Variants in RBFOX1 observed in about 807,000 individuals in gnomAD.
RBFOX1 encodes RNA binding fox-1 homolog 1.
RBFOX1 carries 8 observed loss-of-function variants against 57.7 expected under a neutral mutation model. That is an observed-to-expected ratio of 0.14 (90% CI 0.08 to 0.25). RBFOX1 has a LOEUF of 0.25. RBFOX1 is among the 10% of genes least tolerant of loss of function. The probability of loss-of-function intolerance (pLI) is 1.00; values close to 1 mark genes in which losing one functional copy is unlikely to be tolerated. For missense variants in RBFOX1, 611 were observed against 548.5 expected, an observed-to-expected ratio of 1.11 and a Z score of -1.14; for synonymous variants, 326 against 222.4, an observed-to-expected ratio of 1.47 and a Z score of -4.15.
intron 2 of RBFOX1, among the ~76,000 whole-genome samples, chr16:6,478,683 C>G (rs2095323490): frequency 6.6e-6 from 1 of 151,636 alleles, no homozygotes; most frequent in African/African-American, 2.4e-5. Flanking sequence ...ATTTATTGGT[C>G]TAATTTCAAG....
intron 4 of RBFOX1, among the ~76,000 whole-genome samples, chr16:7,080,613 C>G (rs28408188): frequency 0.016 from 2,359 of 152,158 alleles, 67 homozygotes; most frequent in African/African-American, 0.054. Flanking sequence ...TTTTCATGGT[C>G]CATGTTCTCT....
chr16:6,022,936 A>C (rs552228465), intron 1 of RBFOX1, among the ~76,000 whole-genome samples: 8 of 152,240 alleles, frequency 5.3e-5, no homozygotes, highest in Non-Finnish European at 1.0e-4. Context: ...TAAGGATAGT[A>C]TTGTATAGGA....
intron 4 of RBFOX1, among the ~76,000 whole-genome samples, chr16:5,911,762 C>G (rs556957031): frequency 6.6e-6 from 1 of 152,124 alleles, no homozygotes; most frequent in Non-Finnish European, 1.5e-5. Flanking sequence ...CAGGTGGTGC[C>G]TTTGCACCAT....
intron 1 of RBFOX1, among the ~76,000 whole-genome samples, chr16:5,369,329 A>T (rs570529844): frequency 6.6e-6 from 1 of 152,188 alleles, no homozygotes; most frequent in South Asian, 2.1e-4. Flanking sequence ...TAAAATAAGC[A>T]ACATTTCTAC....
intron 4 of RBFOX1, among the ~76,000 whole-genome samples, chr16:7,137,104 TTAGA>T (rs1375888847): frequency 2.0e-5 from 3 of 152,168 alleles, no homozygotes; most frequent in African/African-American, 4.8e-5. Context: ...CCCAGAGAAG[TTAGA>T]TAGTCTAAAA....
chr16:6,207,296 G>A lies in RBFOX1; in HGVS notation c.-126-109699G>A, dbSNP rs542867141. ...CTTTATCTTTTATCTCCAAAGAAAT[G>A]GCAGTTAATGCAATCTATAGAAAGC... On this transcript the variant is annotated intron_variant, in intron 1 of 15. Coordinates refer to ENST00000550418, the MANE Select transcript of RBFOX1 (RefSeq NM_018723.4). 3.9e-5 allele frequency among the ~76,000 whole-genome samples: 6 copies of A among 152,222 alleles called. No individual in the cohort carries two copies. The South Asian group carries it at 6.2e-4, about 16-fold the overall frequency.
At chr16:7,317,042 C>T (rs1300992004) in intron 4 of RBFOX1, among the ~76,000 whole-genome samples, 3 of 151,346 alleles carry the variant, frequency 2.0e-5, no homozygotes, top group African/African-American at 7.3e-5. Flanking sequence ...CCATATTTAG[C>T]CTTTTTACAA....
chr16:6,663,053 A>G (rs1351202273), intron 3 of RBFOX1, among the ~76,000 whole-genome samples: 1 of 151,996 alleles, frequency 6.6e-6, no homozygotes, highest in African/African-American at 2.4e-5. Flanking sequence ...TAAGTTTCAA[A>G]CTCTCCTTGT....
At chr16:6,913,889 A>T (rs1396095852) in intron 3 of RBFOX1, among the ~76,000 whole-genome samples, 1 of 152,214 alleles carries the variant, frequency 6.6e-6, no homozygotes, top group Admixed American at 6.5e-5. Flanking sequence ...TGCCAGTCTC[A>T]ACTGTGTAAC....
intron 3 of RBFOX1, among the ~76,000 whole-genome samples, chr16:6,809,861 G>A (rs142065596): frequency 1.2e-3 from 187 of 152,124 alleles, no homozygotes; most frequent in African/African-American, 4.2e-3. Flanking sequence ...TCACCAGTCC[G>A]GTGCCTTTCT....
chr16:5,918,768 A>G (rs1597789661), intron 4 of RBFOX1, among the ~76,000 whole-genome samples: 1 of 152,260 alleles, frequency 6.6e-6, no homozygotes, highest in African/African-American at 2.4e-5. Flanking sequence ...GAGGTTGATC[A>G]CAGTCAAGGG....
At chr16:7,120,845 A>ACATACACACG (rs2067004166) in intron 4 of RBFOX1, among the ~76,000 whole-genome samples, 1 of 150,378 alleles carries the variant, frequency 6.6e-6, no homozygotes, top group African/African-American at 2.4e-5. Context: ...ACACACACAC[A>ACATACACACG]CACACACACA....
chr16:6,624,777 G>T (rs974489593), intron 2 of RBFOX1, among the ~76,000 whole-genome samples: 1 of 152,114 alleles, frequency 6.6e-6, no homozygotes, highest in Non-Finnish European at 1.5e-5. Flanking sequence ...AGTCAGTGAA[G>T]GCAATTCTTT....
At chr16:6,151,537 T>C (rs1296921755) in intron 1 of RBFOX1, among the ~76,000 whole-genome samples, 1 of 152,156 alleles carries the variant, frequency 6.6e-6, no homozygotes, top group Non-Finnish European at 1.5e-5. Context: ...CCACCTGCCT[T>C]AGCCTCCCAA....
At chr16:6,351,323 CGTGTGTGTGTGTGT>C (rs71406370) in intron 2 of RBFOX1, among the ~76,000 whole-genome samples, 1 of 112,926 alleles carries the variant, frequency 8.9e-6, no homozygotes, top group South Asian at 2.9e-4. Flanking sequence ...ATATATATAA[CGTGTGTGTGTGTGT>C]GTGTGTGTGT....
At chr16:7,507,098 C>T (rs561595877) in intron 4 of RBFOX1, among the ~76,000 whole-genome samples, 2 of 152,176 alleles carry the variant, frequency 1.3e-5, no homozygotes, top group East Asian at 1.9e-4. Context: ...AATGACTTGC[C>T]AATAGTTTCA....
At chr16:5,622,413 G>C (rs543558605) in intron 3 of RBFOX1, among the ~76,000 whole-genome samples, 1 of 152,332 alleles carries the variant, frequency 6.6e-6, no homozygotes, top group African/African-American at 2.4e-5. Flanking sequence ...CCTCTACTCA[G>C]TACCTGGCGT....
intron 2 of RBFOX1, among the ~76,000 whole-genome samples, chr16:5,581,440 G>A (rs1242744844): frequency 6.6e-6 from 1 of 152,228 alleles, no homozygotes; most frequent in Non-Finnish European, 1.5e-5. Context: ...GGCAACCTTG[G>A]AACAGGAATG....
intron 3 of RBFOX1, among the ~76,000 whole-genome samples, chr16:7,005,350 G>C (rs2093205256): frequency 6.6e-6 from 1 of 152,054 alleles, no homozygotes; most frequent in African/African-American, 2.4e-5. Flanking sequence ...GGGGGAGAAA[G>C]ACTAAGTTGA....
Sources: allele counts gnomAD v4.1 joint callset (sites outside exome capture counted in the v4.1 genomes callset), GRCh38; gene constraint gnomAD v4.1.1; transcripts MANE v1.5; gene names NCBI Gene and HGNC (gene_info 2026-07-23, HGNC 2026-07-21).